SDK2: variants seen among roughly 807,000 people sequenced by gnomAD.
SDK2 encodes protein sidekick-2.
SDK2 carries 105 observed loss-of-function variants against 253.9 expected under a neutral mutation model. The observed-to-expected ratio is 0.41, with a 90% CI of 0.35 to 0.49. The LOEUF is 0.49. Among genes scored for constraint, SDK2 ranks in the 20% least tolerant of loss-of-function variants. The pLI is 0.06. For synonymous variants in SDK2, 1,249 were observed against 1,234.9 expected (o/e 1.01, Z -0.24); for missense variants, 2,608 against 3,003.0 (o/e 0.87, Z 3.07).
At chr17:73,422,254 G>A (rs1204716429) in intron 15 of SDK2, 33 bp downstream of exon 15, 1 of 1,608,436 alleles carries the variant, frequency 6.2e-7, no homozygotes, top group Non-Finnish European at 8.5e-7. Flanking sequence ...TTGGAGTCCT[G>A]GCGACGCCCC....
intron 2 of SDK2, among the ~76,000 whole-genome samples, chr17:73,476,473 A>C (rs571324857): frequency 6.6e-6 from 1 of 152,380 alleles, no homozygotes; most frequent in African/African-American, 2.4e-5. Context: ...TTATTTTAAA[A>C]GTAAAATAAA....
rs531323971 is a variant in SDK2 at position 73,348,258 on chromosome 17, C to T, written c.6165+341G>A. The stretch of plus-strand genomic sequence containing the variant: ...TGCAGGGCTGTGTGTCAACCTTCTC[C>T]CCAGAGTCTCCCTCTCCGCACCTTC... On this transcript the variant is annotated intron_variant, in intron 44 of 44. Coordinates refer to ENST00000392650, the MANE Select transcript of SDK2 (RefSeq NM_001144952.2). 9.2e-5 allele frequency among the ~76,000 whole-genome samples: 14 copies of T among 152,330 alleles called. No individual in the cohort carries two copies. The East Asian group carries it at 2.7e-3, about 29-fold the overall frequency.
In SDK2 at chr17:73,338,298, T is replaced by G. The variant is rs1295944131; in HGVS notation, c.*289A>C. ...CTCTCCAGATGCCCGCCCCACTCCG[T>G]GTCCATAGCAGTGACACAGCCACTT... On this transcript the variant is annotated 3_prime_UTR_variant, in exon 45 of 45. Transcript: ENST00000392650. This position sits in a 1 kb window ranked among gnomAD's most constrained non-coding sequence, Gnocchi z 5.0. 3.5e-6 allele frequency: 2 copies of G among 567,712 alleles called. No homozygotes were observed. The highest frequency in any genetic ancestry group is 6.7e-6 in the Non-Finnish European group (2 of 299,738). The allele number at this position is 567,712 out of a possible 1,614,324, so 35.2% of individuals were successfully genotyped here.
At chr17:73,393,815 G>C in intron 26 of SDK2, 66 bp from the exon 27 acceptor site, 1 of 1,316,530 alleles carries the variant, frequency 7.6e-7, no homozygotes, top group South Asian at 1.8e-5. Context: ...CTTTTCCCGA[G>C]TCTCATCCCC....
intron 1 of SDK2, among the ~76,000 whole-genome samples, chr17:73,641,420 T>C (rs1320746617): frequency 2.6e-5 from 4 of 152,306 alleles, no homozygotes; most frequent in South Asian, 4.1e-4. Context: ...AGCCAGATCA[T>C]GAGAGCCCGT....
rs554740326 is a variant in SDK2, at chr17:73,590,398, C to T, written c.64+53627G>A. On this transcript the variant is annotated intron_variant, in intron 1 of 44. Transcript: ENST00000392650. The stretch of plus-strand genomic sequence containing the variant: ...GAAAGCTCAAAGGTCCCACAAGAAG[C>T]ACAGCAGCAACTTGAAGCTGACTTT... Among the ~76,000 whole-genome samples the T allele has an allele frequency of 1.1e-4, 16 of 152,364 alleles. 1 individual carries two copies. In the South Asian group the frequency reaches 3.3e-3, roughly 32 times the overall value.
rs544208858 is a variant in SDK2, at chr17:73,419,974, G to A, written c.2046-668C>T. 3.9e-5 allele frequency among the ~76,000 whole-genome samples: 6 copies of A among 152,336 alleles called. No individual in the cohort carries two copies. In the South Asian group the frequency reaches 1.2e-3, roughly 32 times the overall value. The stretch of plus-strand genomic sequence containing the variant: ...TGTCAAGGAAGCTGCTGTTGGGGCT[G>A]ATGAGGTCATGAGTGTCCAAGTGTT... On this transcript the variant is annotated intron_variant, in intron 15 of 44. Transcript: ENST00000392650.
rs138947525 is a variant in SDK2 at position 73,413,539 on chromosome 17, C to T, written c.2484+1105G>A. On this transcript the variant is annotated intron_variant, in intron 18 of 44. Coordinates refer to ENST00000392650, the MANE Select transcript of SDK2 (RefSeq NM_001144952.2). ...GTGCCAAAAAGTTTGGGGACTGTTGCTTTAAGCAATCCAGTCTGTGGTACT... is the reference window on the plus strand; with the variant it reads ...GTGCCAAAAAGTTTGGGGACTGTTGTTTTAAGCAATCCAGTCTGTGGTACT... 6.8e-4 allele frequency among the ~76,000 whole-genome samples: 103 copies of T among 152,220 alleles called. 1 individual carries two copies. Among genetic ancestry groups the T allele is most frequent in the African/African-American group, 2.0e-3 (85 of 41,562 alleles).
At chr17:73,582,782 C>A (rs1434501610) in intron 1 of SDK2, among the ~76,000 whole-genome samples, 2 of 152,186 alleles carry the variant, frequency 1.3e-5, no homozygotes. Context: ...TCTGTCCATC[C>A]AAGAAGCCTT....
At chr17:73,342,462 C>T (rs374933591) in intron 44 of SDK2, among the ~76,000 whole-genome samples, 2 of 152,292 alleles carry the variant, frequency 1.3e-5, no homozygotes, top group East Asian at 1.9e-4. Flanking sequence ...CCTGGAGCAG[C>T]GGGGATCTGT....
intron 29 of SDK2, among the ~76,000 whole-genome samples, 166 bp downstream of exon 29, chr17:73,390,121 T>C (rs1031650499): frequency 6.6e-6 from 1 of 151,808 alleles, no homozygotes; most frequent in East Asian, 1.9e-4. Context: ...TCTCTGGGAG[T>C]CTATTAGACC....
intron 14 of SDK2, 56 bp from the exon 15 acceptor site, chr17:73,422,490 T>C: frequency 6.3e-7 from 1 of 1,577,154 alleles, no homozygotes; most frequent in South Asian, 1.1e-5. Flanking sequence ...TGAAGCATGC[T>C]TCTTACTCCC....
At position 73,388,024 on chromosome 17, in the gene SDK2, G is replaced by T. The variant is rs1260419984; in HGVS notation, c.4206C>A (p.Pro1402=). The change falls in exon 30 of 45, where the codon CCC becomes CCA. Residue 1402 remains proline (P), a synonymous_variant. Transcript: ENST00000392650. ...VTTEKRDRPQ[P]PSRPMVQQED... ...CCTGCTGCACCATCGGCCTGCTGGG[G>T]GGCTGCGGACGGTCTGGGAGGTGGC... The T allele has an allele frequency of 6.4e-7, 1 of 1,567,212 alleles. No homozygotes were observed. Among genetic ancestry groups the T allele is most frequent in the Middle Eastern group, 1.8e-4 (1 of 5,684 alleles).
intron 1 of SDK2, among the ~76,000 whole-genome samples, chr17:73,640,113 C>T (rs1246484204): frequency 2.0e-5 from 3 of 152,164 alleles, no homozygotes; most frequent in African/African-American, 4.8e-5. Context: ...AACAGAGGAT[C>T]GCTGTAAAGA....
At chr17:73,554,430 G>A (rs1221034145) in intron 1 of SDK2, among the ~76,000 whole-genome samples, 1 of 152,170 alleles carries the variant, frequency 6.6e-6, no homozygotes, top group Admixed American at 6.5e-5. Context: ...AATCCCATGT[G>A]GCTGAAGTCC....
chr17:73,563,098 G>A (rs921520634), intron 1 of SDK2, among the ~76,000 whole-genome samples: 4 of 152,236 alleles, frequency 2.6e-5, no homozygotes, highest in Admixed American at 1.3e-4. Flanking sequence ...TTGCTGGCGA[G>A]GAGGCTTGGA....
chr17:73,416,009 A>G lies in SDK2; in HGVS notation c.2187-17T>C, dbSNP rs1599545028. ...AGGCAGTACCTGAGGGGAAGAGGCG[A>G]GGCACAGTGGAGTCAGAGTCAGCTT... On this transcript the variant is annotated splice_polypyrimidine_tract_variant and intron_variant, in intron 16 of 44. Transcript: ENST00000392650. The G allele has an allele frequency of 4.4e-6, 7 of 1,603,518 alleles. No individual in the cohort carries two copies. The East Asian group carries it at 1.6e-4, about 36-fold the overall frequency.
intron 18 of SDK2, among the ~76,000 whole-genome samples, chr17:73,411,989 TATATATAC>T (rs2063131910): frequency 1.4e-5 from 2 of 141,102 alleles, no homozygotes; most frequent in Non-Finnish European, 3.0e-5. Flanking sequence ...TATCTACGTA[TATATATAC>T]ACACATATAT....
At chr17:73,469,549 C>A (rs116209090) in intron 3 of SDK2, among the ~76,000 whole-genome samples, 2,409 of 152,328 alleles carry the variant, frequency 0.016, 66 homozygotes, top group African/African-American at 0.054. Context: ...ATGATCAGTG[C>A]AACTTGCTTG....
Sources: gnomAD v4.1 joint callset for allele counts (sites outside exome capture counted in the v4.1 genomes callset) on GRCh38, gnomAD v4.1.1 for gene constraint, Gnocchi (gnomAD v3.1) non-coding constraint, MANE v1.5 for transcripts, NCBI Gene and HGNC (gene_info 2026-07-23, HGNC 2026-07-21) for gene names.